NBEA: variants seen among roughly 807,000 people sequenced by gnomAD.
NBEA encodes neurobeachin, also known as lysosomal-trafficking regulator 2.
In NBEA, 44 loss-of-function variants were observed where a neutral mutation model predicts 343.4. The ratio of observed to expected loss-of-function variants is 0.13; its 90% confidence interval spans 0.10 to 0.16. The LOEUF is 0.16. Among genes scored for constraint, NBEA ranks in the 10% least tolerant of loss-of-function variants. The probability of loss-of-function intolerance (pLI) is 1.00; values close to 1 mark genes in which losing one functional copy is unlikely to be tolerated. For synonymous variants in NBEA, 1,175 were observed against 1,238.7 expected (o/e 0.95, Z 1.08); for missense variants, 2,555 against 3,631.3 (o/e 0.70, Z 7.62).
At chr13:35,341,214 AC>A (rs1237863209) in intron 36 of NBEA, among the ~76,000 whole-genome samples, 1 of 152,062 alleles carries the variant, frequency 6.6e-6, no homozygotes, top group African/African-American at 2.4e-5. Context: ...AGGCCAAAGA[AC>A]AAATCTAGTC....
At chr13:35,163,741 T>G (rs2069764325) in intron 23 of NBEA, among the ~76,000 whole-genome samples, 2 of 152,320 alleles carry the variant, frequency 1.3e-5, no homozygotes, top group South Asian at 4.1e-4. Flanking sequence ...GATTTTTTCC[T>G]TTTCTTATTA....
chr13:35,538,353 T>A (rs887699971), intron 41 of NBEA, among the ~76,000 whole-genome samples: 3 of 152,206 alleles, frequency 2.0e-5, no homozygotes, highest in African/African-American at 7.2e-5. Context: ...AGCAAAGGTG[T>A]CACTACCTCA....
intron 38 of NBEA, among the ~76,000 whole-genome samples, chr13:35,364,943 C>A (rs2041016807): frequency 1.3e-5 from 2 of 151,704 alleles, no homozygotes; most frequent in African/African-American, 4.8e-5. Context: ...CTTTAAAAGC[C>A]AGTCAAAATT....
chr13:35,053,738 T>C (rs756521334), intron 6 of NBEA, among the ~76,000 whole-genome samples: 7 of 152,092 alleles, frequency 4.6e-5, no homozygotes, highest in Non-Finnish European at 1.0e-4. Flanking sequence ...TCATGGGACA[T>C]AGTAGATAAA....
intron 1 of NBEA, among the ~76,000 whole-genome samples, chr13:34,981,112 G>A (rs1020036942): frequency 1.3e-5 from 2 of 152,006 alleles, no homozygotes; most frequent in African/African-American, 4.8e-5. Context: ...GGCAACTACC[G>A]ATTTACCCTC....
intron 24 of NBEA, among the ~76,000 whole-genome samples, chr13:35,165,327 C>A (rs2069920815): frequency 6.6e-6 from 1 of 152,150 alleles, no homozygotes; most frequent in South Asian, 2.1e-4. Context: ...ACATTAGCAG[C>A]CATAGGCTAT....
At chr13:35,039,238 G>A (rs1482560551) in intron 1 of NBEA, among the ~76,000 whole-genome samples, 1 of 144,704 alleles carries the variant, frequency 6.9e-6, no homozygotes, top group African/African-American at 2.6e-5. Flanking sequence ...GCTGGAGTCA[G>A]GGAGGGGTGG....
chr13:35,498,931 G>A (rs994849043), intron 41 of NBEA, among the ~76,000 whole-genome samples: 1 of 152,004 alleles, frequency 6.6e-6, no homozygotes. Flanking sequence ...TTGTGTGGTG[G>A]TGCTGTTTAA....
chr13:35,162,576 C>T (rs2069651580), intron 23 of NBEA, among the ~76,000 whole-genome samples: 1 of 151,982 alleles, frequency 6.6e-6, no homozygotes, highest in South Asian at 2.1e-4. Context: ...TCCTCTTCTT[C>T]TCTCTCCTCT....
chr13:35,499,164 G>C (rs2076792562), intron 41 of NBEA, among the ~76,000 whole-genome samples: 1 of 152,072 alleles, frequency 6.6e-6, no homozygotes. Context: ...CTGTTTACCT[G>C]GTTGAAATTC....
chr13:35,118,434 G>A lies in NBEA; in HGVS notation c.2203G>A (p.Ala735Thr). Residue 735 changes from alanine to threonine, a missense_variant, in exon 16 of 59, where the codon GCC (alanine) becomes ACC (threonine). Physicochemically the swap from Ala to Thr is moderately conservative, Grantham distance 58 (BLOSUM62 0). Transcript: ENST00000379939. ...GGTGGCTTTAATGTCGGAACACCCA[G>A]CCTCAATGATACCAGCATTTGATCA... ...LLVALMSEHP[A>T]SMIPAFDQRN... 1.2e-6 allele frequency: 2 copies of A among 1,606,362 alleles called. No homozygotes were observed. Among genetic ancestry groups the A allele is most frequent in the Non-Finnish European group, 1.7e-6 (2 of 1,176,812 alleles).
intron 41 of NBEA, among the ~76,000 whole-genome samples, chr13:35,539,159 C>G (rs760839500): frequency 2.0e-5 from 3 of 152,128 alleles, no homozygotes; most frequent in Non-Finnish European, 4.4e-5. Context: ...AGAATTCCTG[C>G]CCTCAGTGAG....
intron 41 of NBEA, among the ~76,000 whole-genome samples, chr13:35,511,289 A>T (rs1475314703): frequency 6.6e-6 from 1 of 152,210 alleles, no homozygotes; most frequent in Non-Finnish European, 1.5e-5. Context: ...TTCTCTGCTT[A>T]CAATGACTGG....
At chr13:35,554,805 T>C (rs750035754) in intron 43 of NBEA, among the ~76,000 whole-genome samples, 182 bp from the exon 44 acceptor site, 2 of 152,226 alleles carry the variant, frequency 1.3e-5, no homozygotes, top group Non-Finnish European at 2.9e-5. Flanking sequence ...GTATCTTCTC[T>C]ATAATAGAAT....
chr13:35,027,623 T>G (rs189770357), intron 1 of NBEA, among the ~76,000 whole-genome samples: 1 of 152,118 alleles, frequency 6.6e-6, no homozygotes, highest in Admixed American at 6.6e-5. Flanking sequence ...TCTTCCAGTC[T>G]GTAGCTTATA....
Position 34,987,062 on chromosome 13 carries a change from C to T in NBEA, c.294+43948C>T, listed in dbSNP as rs180823610. ...CTGATCCTGTCATTATGCTGTTAGC[C>T]GGTTATTTTGCCCATTAGTTGATGC... On this transcript the variant is annotated intron_variant, in intron 1 of 58. Transcript: ENST00000379939. Among the ~76,000 whole-genome samples the T allele has an allele frequency of 9.1e-4, 137 of 150,890 alleles. 7 individuals carry two copies. Among genetic ancestry groups the T allele is most frequent in the South Asian group, 7.2e-3 (34 of 4,730 alleles).
intron 29 of NBEA, among the ~76,000 whole-genome samples, chr13:35,183,630 A>G (rs1420376248): frequency 1.3e-5 from 2 of 151,936 alleles, no homozygotes; most frequent in Non-Finnish European, 2.9e-5. Context: ...ATTCCAGTTC[A>G]TGTTTTTTCA....
Position 35,631,638 on chromosome 13 carries a change from T to TAAAAAAAAAA in NBEA, c.7617+3404_7617+3413dup, listed in dbSNP as rs59333937. ...TGAATATCTATATATGTCTCCTTTG[T>TAAAAAAAAAA]AAAAAAAAAAAAAAAAAAAAAAATT... is the stretch of plus-strand genomic sequence containing the variant. On this transcript the variant is annotated intron_variant, in intron 49 of 58. Transcript: ENST00000379939. 1.9e-3 allele frequency among the ~76,000 whole-genome samples: 246 copies of TAAAAAAAAAA among 126,408 alleles called. 3 individuals are homozygous for TAAAAAAAAAA. The highest frequency in any genetic ancestry group is 6.7e-3 in the African/African-American group (219 of 32,532). The allele number at this position is 126,408 out of a possible 152,430, so 82.9% of individuals were successfully genotyped here.
At chr13:35,243,178 C>G (rs193113158) in intron 34 of NBEA, among the ~76,000 whole-genome samples, 1 of 151,576 alleles carries the variant, frequency 6.6e-6, no homozygotes, top group South Asian at 2.1e-4. Flanking sequence ...TTTTTATATG[C>G]GATTGAAGTT....
Sources: allele counts gnomAD v4.1 joint callset (sites outside exome capture counted in the v4.1 genomes callset), GRCh38; gene constraint gnomAD v4.1.1; transcripts MANE v1.5; gene names NCBI Gene and HGNC (gene_info 2026-07-23, HGNC 2026-07-21).